The following CYRIB variants were observed in gnomAD, a reference collection of about 807,000 sequenced individuals.
CYRIB encodes CYFIP related Rac1 interactor B.
In CYRIB, 8 loss-of-function variants were observed where a neutral mutation model predicts 44.2. The observed-to-expected ratio is 0.18, with a 90% CI of 0.11 to 0.33. CYRIB has a LOEUF of 0.33. CYRIB is among the 10% of genes least tolerant of loss of function. The probability of loss-of-function intolerance (pLI) is 1.00; values close to 1 mark genes in which losing one functional copy is unlikely to be tolerated. For synonymous variants in CYRIB, 131 were observed against 127.2 expected (o/e 1.03, Z -0.20); for missense variants, 185 against 382.8 (o/e 0.48, Z 4.31).
At chr8:129,955,589 A>G (rs2094778109) in intron 2 of CYRIB, among the ~76,000 whole-genome samples, 1 of 152,224 alleles carries the variant, frequency 6.6e-6, no homozygotes, top group South Asian at 2.1e-4. Flanking sequence ...TAACAGCCCT[A>G]TTTACCTCTT....
intron 3 of CYRIB, among the ~76,000 whole-genome samples, chr8:129,878,707 G>A (rs939437216): frequency 1.3e-5 from 2 of 152,134 alleles, no homozygotes; most frequent in African/African-American, 4.8e-5. Flanking sequence ...CAAGGTCAAT[G>A]ACACTTACCT....
intron 2 of CYRIB, among the ~76,000 whole-genome samples, chr8:129,957,773 G>T (rs1040559279): frequency 6.6e-6 from 1 of 152,022 alleles, no homozygotes; most frequent in Non-Finnish European, 1.5e-5. Flanking sequence ...AGACCATCCT[G>T]GCTAACATGG....
intron 2 of CYRIB, among the ~76,000 whole-genome samples, chr8:129,969,674 A>G (rs2095617484): frequency 6.6e-6 from 1 of 152,258 alleles, no homozygotes; most frequent in African/African-American, 2.4e-5. Context: ...TCAGCACTGG[A>G]TTTGGTTTCT....
At chr8:129,978,347 T>C (rs1488296685) in intron 1 of CYRIB, among the ~76,000 whole-genome samples, 3 of 152,226 alleles carry the variant, frequency 2.0e-5, no homozygotes, top group East Asian at 1.9e-4. Flanking sequence ...TATTGTGAGA[T>C]GGTTGTGGGG....
chr8:129,991,612 C>T (rs956742930), intron 1 of CYRIB, among the ~76,000 whole-genome samples: 1 of 152,066 alleles, frequency 6.6e-6, no homozygotes, highest in South Asian at 2.1e-4. Context: ...ACTCACCAGA[C>T]GCAGCCCCTC....
intron 1 of CYRIB, among the ~76,000 whole-genome samples, chr8:129,935,160 C>T (rs773258008): frequency 2.0e-5 from 3 of 152,064 alleles, no homozygotes; most frequent in Non-Finnish European, 4.4e-5. Flanking sequence ...TTATGACATC[C>T]GGGACTATGT....
At chr8:129,960,807 T>C (rs1397949995) in intron 2 of CYRIB, among the ~76,000 whole-genome samples, 15 of 150,386 alleles carry the variant, frequency 1.0e-4, no homozygotes, top group Non-Finnish European at 4.4e-5. Context: ...AATAATTAGC[T>C]GGGCATGGTG....
chr8:129,859,953 G>A (rs182311619), intron 5 of CYRIB, among the ~76,000 whole-genome samples: 1 of 152,206 alleles, frequency 6.6e-6, no homozygotes, highest in Non-Finnish European at 1.5e-5. Flanking sequence ...GCAAAACTGA[G>A]TATCTTCAAA....
intron 1 of CYRIB, among the ~76,000 whole-genome samples, chr8:129,909,526 C>T (rs2136195673): frequency 6.6e-6 from 1 of 152,132 alleles, no homozygotes; most frequent in East Asian, 1.9e-4. Flanking sequence ...CAAAATACCA[C>T]TTTTAGTCTT....
intron 3 of CYRIB, among the ~76,000 whole-genome samples, chr8:129,875,758 T>C (rs2058884275): frequency 6.6e-6 from 1 of 152,158 alleles, no homozygotes; most frequent in Admixed American, 6.5e-5. Flanking sequence ...TCCTTTACTG[T>C]ATTAGTTCAA....
intron 2 of CYRIB, among the ~76,000 whole-genome samples, chr8:129,949,998 T>C (rs1370063060): frequency 6.6e-6 from 1 of 152,218 alleles, no homozygotes; most frequent in Non-Finnish European, 1.5e-5. Context: ...TCCAACTGTC[T>C]TTGGCTATAA....
chr8:129,869,887 C>T (rs184425489), intron 4 of CYRIB, among the ~76,000 whole-genome samples: 1 of 150,400 alleles, frequency 6.6e-6, no homozygotes, highest in Non-Finnish European at 1.5e-5. Flanking sequence ...TGTTTTACCT[C>T]CCCCCCGCCC....
intron 1 of CYRIB, among the ~76,000 whole-genome samples, chr8:130,011,163 G>A (rs1183234667): frequency 6.6e-6 from 1 of 152,112 alleles, no homozygotes; most frequent in Non-Finnish European, 1.5e-5. Flanking sequence ...TCCCCGGGGG[G>A]ACTCCTGGCA....
intron 1 of CYRIB, among the ~76,000 whole-genome samples, chr8:129,986,063 T>TA (rs1237314227): frequency 6.6e-6 from 1 of 152,072 alleles, no homozygotes; most frequent in Non-Finnish European, 1.5e-5. Flanking sequence ...AGGAAAGAAT[T>TA]AGTGTCAGGG....
chr8:129,991,943 C>CAAAAAAAAAAAAAAAAA (rs35897320), intron 1 of CYRIB, among the ~76,000 whole-genome samples: 1 of 19,206 alleles, frequency 5.2e-5, no homozygotes, highest in African/African-American at 1.9e-4. Context: ...AGCAGAGTCG[C>CAAAAAAAAAAAAAAAAA]AAAAAAAAAA....
At chr8:129,880,104 A>C (rs2060373039) in intron 2 of CYRIB, among the ~76,000 whole-genome samples, 1 of 152,228 alleles carries the variant, frequency 6.6e-6, no homozygotes, top group South Asian at 2.1e-4. Flanking sequence ...TCACTAAAGC[A>C]TACTATTAGA....
At chr8:129,939,123 G>A (rs1340901588) in intron 1 of CYRIB, among the ~76,000 whole-genome samples, 1 of 152,084 alleles carries the variant, frequency 6.6e-6, no homozygotes, top group African/African-American at 2.4e-5. Context: ...GGAGGGCTGG[G>A]TGTCGAGGCG....
chr8:129,888,750 C>A (rs962708885), intron 2 of CYRIB, among the ~76,000 whole-genome samples: 5 of 152,064 alleles, frequency 3.3e-5, no homozygotes, highest in African/African-American at 1.2e-4. Context: ...AGAACAATGC[C>A]TGGGATGTAG....
chr8:129,882,849 A>C lies in CYRIB; in HGVS notation c.-10-3378T>G, dbSNP rs1024577801. Among the ~76,000 whole-genome samples the C allele has an allele frequency of 3.3e-5, 5 of 152,080 alleles. No individual in the cohort carries two copies. The East Asian group carries it at 9.6e-4, about 29-fold the overall frequency. On this transcript the variant is annotated intron_variant, in intron 2 of 11. Coordinates refer to ENST00000519824, the Ensembl canonical transcript of CYRIB. ...ACTTGGTCCTGACCTATTTGCTCTC[A>C]TAAGGATTGAGAATTTCTTGCTTAT...
Sources: allele counts gnomAD v4.1 joint callset (sites outside exome capture counted in the v4.1 genomes callset), GRCh38; gene constraint gnomAD v4.1.1; transcripts MANE v1.5; gene names NCBI Gene and HGNC (gene_info 2026-07-23, HGNC 2026-07-21).